AKAP13: variants seen among roughly 807,000 people sequenced by gnomAD.
AKAP13 encodes the protein A-kinase anchor protein 13.
In AKAP13, 80 loss-of-function variants were observed where a neutral mutation model predicts 264.5. That is an observed-to-expected ratio of 0.30 (90% CI 0.25 to 0.36). AKAP13 has a LOEUF of 0.36. Among genes scored for constraint, AKAP13 ranks in the 10% least tolerant of loss-of-function variants. The probability of loss-of-function intolerance (pLI) is 1.00; values close to 1 mark genes in which losing one functional copy is unlikely to be tolerated. For missense variants in AKAP13, 3,712 were observed against 3,435.2 expected (o/e 1.08, Z -2.01); for synonymous variants, 1,380 against 1,250.2 (o/e 1.10, Z -2.19).
At chr15:85,564,169 T>C (rs901806810) in intron 5 of AKAP13, among the ~76,000 whole-genome samples, 3 of 152,174 alleles carry the variant, frequency 2.0e-5, no homozygotes, top group Non-Finnish European at 2.9e-5. Context: ...TAAGTAATAA[T>C]AACAGAAGAA....
At chr15:85,589,306 TGTGA>T (rs980774052) in intron 8 of AKAP13, among the ~76,000 whole-genome samples, 2 of 152,192 alleles carry the variant, frequency 1.3e-5, no homozygotes, top group Admixed American at 6.5e-5. Flanking sequence ...TAAGCTTTGC[TGTGA>T]GTATGAAAGT....
At chr15:85,658,632 T>C in intron 12 of AKAP13, 42 bp downstream of exon 12, 1 of 1,550,434 alleles carries the variant, frequency 6.4e-7, no homozygotes, top group South Asian at 1.1e-5. Flanking sequence ...ATGTCACCTC[T>C]GAGCATATAC....
chr15:85,493,240 G>A (rs1223852311), intron 2 of AKAP13, among the ~76,000 whole-genome samples: 2 of 152,154 alleles, frequency 1.3e-5, no homozygotes, highest in South Asian at 2.1e-4. Flanking sequence ...AACATAGTAG[G>A]CACTTAGTAA....
intron 1 of AKAP13, among the ~76,000 whole-genome samples, chr15:85,463,023 C>CAAAAAAAAAAAA (rs35565608): frequency 1.5e-5 from 1 of 65,200 alleles, no homozygotes. Context: ...GACTCCGTCT[C>CAAAAAAAAAAAA]AAAAAAAAAA....
intron 2 of AKAP13, among the ~76,000 whole-genome samples, chr15:85,488,201 A>G (rs1567083488): frequency 6.6e-6 from 1 of 152,160 alleles, no homozygotes; most frequent in Non-Finnish European, 1.5e-5. Flanking sequence ...ATTTTTAGAG[A>G]TAAGGTCTTG....
chr15:85,411,308 A>T (rs2071952725), intron 1 of AKAP13, among the ~76,000 whole-genome samples: 1 of 152,232 alleles, frequency 6.6e-6, no homozygotes, highest in Non-Finnish European at 1.5e-5. Flanking sequence ...TACTTTTATT[A>T]AATCTCAACC....
intron 14 of AKAP13, among the ~76,000 whole-genome samples, chr15:85,672,829 C>T (rs1392723776): frequency 6.6e-6 from 1 of 152,202 alleles, no homozygotes; most frequent in East Asian, 1.9e-4. Flanking sequence ...TGATTGTTCA[C>T]AATAACCAGA....
chr15:85,557,032 G>T (rs1453257381), intron 5 of AKAP13, among the ~76,000 whole-genome samples: 2 of 152,188 alleles, frequency 1.3e-5, no homozygotes, highest in African/African-American at 4.8e-5. Context: ...ATTTGAAGTG[G>T]TTTTGTTGTT....
rs552173046 is a variant in AKAP13, at chr15:85,574,558, A to G, written c.663-573A>G. On this transcript the variant is annotated intron_variant, in intron 5 of 36. Coordinates refer to ENST00000394518, the MANE Select transcript of AKAP13 (RefSeq NM_007200.5). Reference sequence around the variant, plus strand: ...TGGAACCAAGTGCTTTATTCCAAATAGGATATGATAATTATATTGACAAGT... The same window carrying G: ...TGGAACCAAGTGCTTTATTCCAAATGGGATATGATAATTATATTGACAAGT... Among the ~76,000 whole-genome samples, 72 of 152,368 alleles carry G rather than the reference A, an allele frequency of 4.7e-4. 1 individual carries two copies. The highest frequency in any genetic ancestry group is 8.5e-4 in the Non-Finnish European group (58 of 68,036).
chr15:85,624,682 A>T (rs1049921325), intron 8 of AKAP13: 2 of 152,240 alleles, frequency 1.3e-5, no homozygotes, highest in African/African-American at 4.8e-5. Context: ...GAGGAAGTAA[A>T]TATGGTTAGT....
At chr15:85,572,900 A>C (rs1433786089) in intron 5 of AKAP13, among the ~76,000 whole-genome samples, 1 of 152,052 alleles carries the variant, frequency 6.6e-6, no homozygotes, top group Non-Finnish European at 1.5e-5. Context: ...ACTCCCACTT[A>C]TGAGTGAAAA....
At position 85,695,487 on chromosome 15, in the gene AKAP13, AGAG is replaced by A. The variant is rs543104961; in HGVS notation, c.5464+2043_5464+2045del. On this transcript the variant is annotated intron_variant, in intron 17 of 36. Transcript: ENST00000394518. ...ATTTTCACTCACTTTCTTGCTTGGAAGAGGAGGAGTGGAGTTACAGCTAGCACA... is the reference window on the plus strand; with the variant it reads ...ATTTTCACTCACTTTCTTGCTTGGAAGAGGAGTGGAGTTACAGCTAGCACA... 3.2e-4 allele frequency among the ~76,000 whole-genome samples: 49 copies of A among 152,320 alleles called. 1 individual carries two copies. The highest frequency in any genetic ancestry group is 1.1e-3 in the African/African-American group (46 of 41,570).
intron 3 of AKAP13, among the ~76,000 whole-genome samples, chr15:85,528,166 A>C (rs1050982562): frequency 6.6e-6 from 1 of 152,196 alleles, no homozygotes; most frequent in Non-Finnish European, 1.5e-5. Flanking sequence ...TGCTCCATAT[A>C]GTGAGAAGGA....
chr15:85,512,992 G>C (rs1356026368), intron 2 of AKAP13, among the ~76,000 whole-genome samples: 2 of 152,064 alleles, frequency 1.3e-5, no homozygotes, highest in African/African-American at 4.8e-5. Context: ...GAGTAGCTGG[G>C]ACTACAGGCA....
chr15:85,722,476 T>G, intron 25 of AKAP13, 129 bp downstream of exon 25: 1 of 756,046 alleles, frequency 1.3e-6, no homozygotes, highest in East Asian at 2.5e-5. Flanking sequence ...GTGTTTTATC[T>G]TGAATTTTGT....
chr15:85,450,154 A>T (rs2074032364), intron 1 of AKAP13, among the ~76,000 whole-genome samples: 1 of 151,924 alleles, frequency 6.6e-6, no homozygotes, highest in African/African-American at 2.4e-5. Flanking sequence ...GTGGGGGTGT[A>T]TGTGTCCAGG....
intron 17 of AKAP13, among the ~76,000 whole-genome samples, chr15:85,706,147 G>C (rs112875420): frequency 2.0e-5 from 3 of 152,234 alleles, no homozygotes; most frequent in African/African-American, 7.2e-5. Flanking sequence ...GGGTTTGAGT[G>C]GGGTGGGCTT....
chr15:85,598,156 A>G (rs566961851), intron 8 of AKAP13, among the ~76,000 whole-genome samples: 1 of 152,196 alleles, frequency 6.6e-6, no homozygotes, highest in Admixed American at 6.5e-5. Context: ...CCTTGAATCA[A>G]GGGGCCTGAA....
intron 2 of AKAP13, among the ~76,000 whole-genome samples, chr15:85,487,518 G>GT (rs1195787356): frequency 6.6e-6 from 1 of 152,046 alleles, no homozygotes; most frequent in Non-Finnish European, 1.5e-5. Context: ...GGCCATGTAG[G>GT]TTTTTTTCCT....
Sources: gnomAD v4.1 joint callset for allele counts (sites outside exome capture counted in the v4.1 genomes callset) on GRCh38, gnomAD v4.1.1 for gene constraint, MANE v1.5 for transcripts, NCBI Gene and HGNC (gene_info 2026-07-23, HGNC 2026-07-21) for gene names.